RAB27B: variants seen among roughly 807,000 people sequenced by gnomAD.
RAB27B encodes ras-related protein Rab-27B.
In RAB27B, 15 loss-of-function variants were observed where a neutral mutation model predicts 24.6. The ratio of observed to expected loss-of-function variants is 0.61; its 90% CI spans 0.41 to 0.94. The LOEUF is 0.94. Ranked by LOEUF, RAB27B falls within the 40% of genes least tolerant of loss-of-function variation. RAB27B has a pLI of 0.00. For missense variants in RAB27B, 261 were observed against 266.8 expected (o/e 0.98, Z 0.15); for synonymous variants, 105 against 92.5 (o/e 1.14, Z -0.78).
chr18:54,750,414 T>C (rs1283621538), intron 2 of RAB27B, among the ~76,000 whole-genome samples: 1 of 152,190 alleles, frequency 6.6e-6, no homozygotes, highest in Admixed American at 6.5e-5. Context: ...AAATTGGACC[T>C]TCCTTCCTTC....
chr18:54,723,919 T>C (rs868022305), intron 2 of RAB27B, among the ~76,000 whole-genome samples: 2 of 152,200 alleles, frequency 1.3e-5, no homozygotes, highest in African/African-American at 4.8e-5. Context: ...TCATGAAATA[T>C]AAATATATTT....
chr18:54,735,499 T>G (rs192093361), intron 2 of RAB27B, among the ~76,000 whole-genome samples: 1 of 151,972 alleles, frequency 6.6e-6, no homozygotes, highest in East Asian at 1.9e-4. Flanking sequence ...CTGACCACAT[T>G]TTTGCCTTAT....
intron 2 of RAB27B, among the ~76,000 whole-genome samples, chr18:54,757,748 A>G (rs1236283747): frequency 6.6e-6 from 1 of 152,138 alleles, no homozygotes; most frequent in Non-Finnish European, 1.5e-5. Flanking sequence ...CTAGTACAGG[A>G]CAATAATAGG....
rs1163037899 is a variant in RAB27B, at chr18:54,814,386, T to A, written c.-19-63181T>A. ...AACATTAATGTGGAAATATTTTTGA[T>A]TTAGCTCAAGGGAATAGGGTCGAAT... On this transcript the variant is annotated intron_variant, in intron 2 of 4. Coordinates refer to the RAB27B transcript ENST00000586570. 3.3e-5 allele frequency among the ~76,000 whole-genome samples: 5 copies of A among 152,220 alleles called. No individual in the cohort carries two copies. The East Asian group carries it at 9.6e-4, about 29-fold the overall frequency.
At chr18:54,888,714 C>A (rs1598999503) in intron 5 of RAB27B, among the ~76,000 whole-genome samples, 1 of 152,120 alleles carries the variant, frequency 6.6e-6, no homozygotes, top group East Asian at 1.9e-4. Context: ...TTTATCATAT[C>A]TGCCAATTTT....
chr18:54,835,092 AT>A (rs1239123330), intron 1 of RAB27B, among the ~76,000 whole-genome samples: 1 of 151,964 alleles, frequency 6.6e-6, no homozygotes, highest in African/African-American at 2.4e-5. Flanking sequence ...AAAATATATT[AT>A]TTTCATAAAC....
At chr18:54,859,486 C>CAA (rs200377089) in intron 1 of RAB27B, among the ~76,000 whole-genome samples, 115 of 141,160 alleles carry the variant, frequency 8.1e-4, no homozygotes, top group African/African-American at 2.5e-3. Context: ...TTCAATTAAC[C>CAA]AAAAAAAAAA....
At chr18:54,747,697 A>AT (rs1159193915) in intron 2 of RAB27B, among the ~76,000 whole-genome samples, 1 of 152,140 alleles carries the variant, frequency 6.6e-6, no homozygotes, top group African/African-American at 2.4e-5. Context: ...AATAATTATG[A>AT]TTTTCCAAAA....
At chr18:54,873,685 C>CGG (rs74180481) in intron 1 of RAB27B, among the ~76,000 whole-genome samples, 1 of 140,760 alleles carries the variant, frequency 7.1e-6, no homozygotes, top group East Asian at 2.1e-4. Context: ...GAGCCAAATC[C>CGG]TGTGTGTGTG....
chr18:54,835,430 C>A (rs1205234772), intron 1 of RAB27B, among the ~76,000 whole-genome samples: 1 of 151,952 alleles, frequency 6.6e-6, no homozygotes, highest in African/African-American at 2.4e-5. Context: ...GTCCCTATAT[C>A]TATCCCTTTC....
intron 2 of RAB27B, among the ~76,000 whole-genome samples, chr18:54,804,211 C>T (rs1909696000): frequency 6.6e-6 from 1 of 152,172 alleles, no homozygotes; most frequent in Admixed American, 6.6e-5. Context: ...AAGGAAACAT[C>T]CAAACTGAAG....
chr18:54,793,183 T>A (rs555650401), intron 2 of RAB27B, among the ~76,000 whole-genome samples: 2 of 152,218 alleles, frequency 1.3e-5, no homozygotes, highest in South Asian at 4.1e-4. Flanking sequence ...CAGTTCCTGA[T>A]GTAAATGAAA....
chr18:54,738,628 G>A (rs1909973348), intron 2 of RAB27B, among the ~76,000 whole-genome samples: 1 of 152,112 alleles, frequency 6.6e-6, no homozygotes, highest in African/African-American at 2.4e-5. Flanking sequence ...TTACAGCAGT[G>A]TGAAAATGGA....
intron 2 of RAB27B, among the ~76,000 whole-genome samples, chr18:54,781,843 C>G (rs577221768): frequency 3.2e-4 from 49 of 152,142 alleles, no homozygotes; most frequent in Non-Finnish European, 6.3e-4. Context: ...TAGGACTACT[C>G]TGAAATGTTA....
chr18:54,850,333 G>GATAT lies in RAB27B; in HGVS notation c.-20+21657_-20+21660dup, dbSNP rs35735191. ...TATTTATTTAAAAGCAAACAAACAG[G>GATAT]ATATATATATATATATATATATATA... On this transcript the variant is annotated intron_variant, in intron 1 of 5. Transcript: ENST00000262094. Among the ~76,000 whole-genome samples the GATAT allele has an allele frequency of 4.4e-3, 415 of 95,146 alleles. 23 individuals carry two copies. Among genetic ancestry groups the GATAT allele is most frequent in the South Asian group, 0.024 (52 of 2,208 alleles). The allele number at this position is 95,146 out of a possible 152,430, so 62.4% of individuals were successfully genotyped here. A position where few individuals can be genotyped will look rare whatever the true frequency, so the allele number is the denominator to read the frequency against.
At chr18:54,859,035 C>A (rs1002495761) in intron 1 of RAB27B, among the ~76,000 whole-genome samples, 35 of 152,172 alleles carry the variant, frequency 2.3e-4, no homozygotes, top group African/African-American at 8.0e-4. Context: ...GAAACTAACA[C>A]GTCACTTTTT....
At chr18:54,758,466 GT>G (rs1414887790) in intron 2 of RAB27B, among the ~76,000 whole-genome samples, 6 of 152,170 alleles carry the variant, frequency 3.9e-5, no homozygotes, top group African/African-American at 1.4e-4. Flanking sequence ...CCCAAAGTGT[GT>G]TTTAAACAAA....
Position 54,891,077 on chromosome 18 carries a change from T to C in RAB27B, c.*1664T>C, listed in dbSNP as rs2145301776. 6.6e-6 allele frequency: 1 copy of C among 151,982 alleles called. No homozygotes were observed. The highest frequency in any genetic ancestry group is 2.4e-5 in the African/African-American group (1 of 41,504). The allele number at this position is 151,982 out of a possible 1,614,324, so 9.4% of individuals were successfully genotyped here. On this transcript the variant is annotated 3_prime_UTR_variant, in exon 6 of 6. Transcript: ENST00000262094. ...AATCAAACCTACTTTTTCCATACTC[T>C]GTGCATATTTTTTGTGAAGTTATAC...
rs189161110 is a variant in RAB27B, at chr18:54,846,665, G to A, written c.-20+17965G>A. Among the ~76,000 whole-genome samples, 345 of 152,204 alleles carry A rather than the reference G, an allele frequency of 2.3e-3. 3 individuals carry two copies. The highest frequency in any genetic ancestry group is 7.8e-3 in the African/African-American group (323 of 41,532). ...CAGGCAATAGAGGCCAAAAAAGAAG[G>A]CAATGAATATCATAAGCTTTTCTTA... On this transcript the variant is annotated intron_variant, in intron 1 of 5. Coordinates refer to ENST00000262094, the MANE Select transcript of RAB27B (RefSeq NM_004163.4).
Sources: gnomAD v4.1 joint callset for allele counts (sites outside exome capture counted in the v4.1 genomes callset) on GRCh38, gnomAD v4.1.1 for gene constraint, MANE v1.5 for transcripts, NCBI Gene and HGNC (gene_info 2026-07-23, HGNC 2026-07-21) for gene names.